Variants in SGIP1 observed in about 807,000 individuals in gnomAD.
SGIP1 encodes the protein SH3GL interacting endocytic adaptor 1.
SGIP1 carries 38 observed loss-of-function variants against 107.5 expected under a neutral mutation model. That is an observed-to-expected ratio of 0.35 (90% confidence interval 0.27 to 0.46). The LOEUF (loss-of-function observed/expected upper bound fraction) is 0.46, where lower values mean the gene tolerates loss of function less well. Among genes scored for constraint, SGIP1 ranks in the 20% least tolerant of loss-of-function variants. The pLI is 1.00. For synonymous variants in SGIP1, 365 were observed against 366.1 expected, an observed-to-expected ratio of 1.00 and a Z score of 0.03; for missense variants, 929 against 1,019.5, an observed-to-expected ratio of 0.91 and a Z score of 1.21.
At chr1:66,640,190 C>G (rs2149468130) in intron 5 of SGIP1, among the ~76,000 whole-genome samples, 1 of 152,282 alleles carries the variant, frequency 6.6e-6, no homozygotes, top group South Asian at 2.1e-4. Context: ...CACATATCAG[C>G]TGTGTGTGGC....
intron 23 of SGIP1, among the ~76,000 whole-genome samples, chr1:66,740,983 G>C (rs890333554): frequency 2.0e-5 from 3 of 151,968 alleles, no homozygotes; most frequent in African/African-American, 7.3e-5. Flanking sequence ...CAGATTCCAC[G>C]CTCCCTGATT....
intron 1 of SGIP1, among the ~76,000 whole-genome samples, chr1:66,597,382 A>T (rs1347029551): frequency 6.6e-6 from 1 of 152,272 alleles, no homozygotes; most frequent in African/African-American, 2.4e-5. Flanking sequence ...AAAACTTGAC[A>T]GAATGTTTAT....
intron 1 of SGIP1, among the ~76,000 whole-genome samples, chr1:66,610,072 T>A (rs1364092179): frequency 6.6e-6 from 1 of 152,180 alleles, no homozygotes; most frequent in East Asian, 1.9e-4. Flanking sequence ...GTTATTAGCG[T>A]CACTGGAAAT....
At chr1:66,709,084 A>G (rs1305084237) in intron 18 of SGIP1, among the ~76,000 whole-genome samples, 1 of 152,066 alleles carries the variant, frequency 6.6e-6, no homozygotes, top group Non-Finnish European at 1.5e-5. Context: ...CAGAACGTGC[A>G]TGTTTGTTAC....
In SGIP1 at chr1:66,542,309, G is replaced by T. The variant is rs2055168542; in HGVS notation, c.10+7941G>T. On this transcript the variant is annotated intron_variant, in intron 1 of 24. Transcript: ENST00000371037. ...ATAACGAATAATAAAATTTAGAACA[G>T]TTATAACAATCTGCTGTAATAAAAG... is the stretch of plus-strand genomic sequence containing the variant. 5.3e-5 allele frequency among the ~76,000 whole-genome samples: 8 copies of T among 152,102 alleles called. 1 individual carries two copies. The highest frequency in any genetic ancestry group is 5.2e-4 in the Admixed American group (8 of 15,270).
At chr1:66,671,482 C>T (rs1213194692) in intron 10 of SGIP1, among the ~76,000 whole-genome samples, 1 of 152,150 alleles carries the variant, frequency 6.6e-6, no homozygotes. Context: ...CTGCATACAA[C>T]ACTTCCTAGG....
intron 1 of SGIP1, among the ~76,000 whole-genome samples, chr1:66,559,583 G>A (rs2066006): frequency 0.012 from 1,784 of 152,134 alleles, 40 homozygotes; most frequent in African/African-American, 0.041. Flanking sequence ...ACATGGCTCC[G>A]CAATGTCTTC....
intron 1 of SGIP1, among the ~76,000 whole-genome samples, chr1:66,567,244 T>C (rs1290049525): frequency 3.3e-5 from 5 of 152,192 alleles, no homozygotes; most frequent in Non-Finnish European, 5.9e-5. Flanking sequence ...TGATTTCATT[T>C]CTCTAATGAC....
intron 7 of SGIP1, among the ~76,000 whole-genome samples, chr1:66,650,794 G>A (rs1272800495): frequency 1.3e-5 from 2 of 152,088 alleles, no homozygotes; most frequent in Non-Finnish European, 2.9e-5. Context: ...TGCTCCCATG[G>A]ATTCCTTTAT....
intron 1 of SGIP1, among the ~76,000 whole-genome samples, chr1:66,581,506 C>T (rs1472355396): frequency 6.6e-6 from 1 of 151,892 alleles, no homozygotes; most frequent in Non-Finnish European, 1.5e-5. Flanking sequence ...TATAATAACT[C>T]TTAACAAGGT....
chr1:66,551,683 C>T (rs1232121207), intron 1 of SGIP1, among the ~76,000 whole-genome samples: 1 of 152,128 alleles, frequency 6.6e-6, no homozygotes, highest in Non-Finnish European at 1.5e-5. Flanking sequence ...ATGCTGTTTA[C>T]TCTGCAGCAA....
At chr1:66,614,733 TTATC>T (rs2068790369) in intron 1 of SGIP1, among the ~76,000 whole-genome samples, 1 of 151,942 alleles carries the variant, frequency 6.6e-6, no homozygotes, top group Admixed American at 6.6e-5. Context: ...ATCTCCTACT[TTATC>T]TACCTCTCTG....
Position 66,750,001 on chromosome 1 carries a change from C to CTCTCTTTA in SGIP1, c.*6911_*6912insTTATCTCT, listed in dbSNP as rs1553200169. Among the ~76,000 whole-genome samples, 16 of 69,286 alleles carry CTCTCTTTA rather than the reference C, an allele frequency of 2.3e-4. 1 individual carries two copies. Among genetic ancestry groups the CTCTCTTTA allele is most frequent in the African/African-American group, 7.9e-4 (12 of 15,128 alleles). 45.5% of individuals were successfully genotyped at this position (69,286 alleles called of 152,430 possible). A position where few individuals can be genotyped will look rare whatever the true frequency, so the allele number is the denominator to read the frequency against. Reference sequence around the variant, plus strand: ...GGCTCCTATCTAATTCATATTCTCTCTCTCTCTCTCTCTCTTTCTCTGTGT... The same window carrying CTCTCTTTA: ...GGCTCCTATCTAATTCATATTCTCTCTCTCTTTATCTCTCTCTCTCTCTTTCTCTGTGT... On this transcript the variant is annotated 3_prime_UTR_variant, in exon 25 of 25. Transcript: ENST00000371037.
chr1:66,701,393 G>T (rs914122677), intron 18 of SGIP1, among the ~76,000 whole-genome samples: 1 of 152,132 alleles, frequency 6.6e-6, no homozygotes, highest in Non-Finnish European at 1.5e-5. Flanking sequence ...TAAGTACCAG[G>T]TTGGGGAAAC....
At chr1:66,583,766 T>C (rs568687080) in intron 1 of SGIP1, among the ~76,000 whole-genome samples, 14 of 152,310 alleles carry the variant, frequency 9.2e-5, no homozygotes, top group African/African-American at 2.6e-4. Flanking sequence ...TGCTCCTGTC[T>C]GCATCACTGA....
intron 7 of SGIP1, among the ~76,000 whole-genome samples, chr1:66,651,385 A>G (rs1440873342): frequency 6.6e-6 from 1 of 152,218 alleles, no homozygotes; most frequent in Non-Finnish European, 1.5e-5. Context: ...CATCACAGCT[A>G]GTAACTGAAG....
rs199507180 is a variant in SGIP1 at position 66,601,519 on chromosome 1, A to ATG, written c.11-24315_11-24314dup. The stretch of plus-strand genomic sequence containing the variant: ...GGGTTATTTGTTTTTGAGTATGTGC[A>ATG]TGTGTGTGTGTGTGAGAGAGAGAGA... On this transcript the variant is annotated intron_variant, in intron 1 of 24. Transcript: ENST00000371037. Among the ~76,000 whole-genome samples the ATG allele has an allele frequency of 1.6e-3, 239 of 151,738 alleles. 1 individual carries two copies. Among genetic ancestry groups the ATG allele is most frequent in the East Asian group, 0.012 (64 of 5,168 alleles).
intron 1 of SGIP1, among the ~76,000 whole-genome samples, chr1:66,608,008 G>A (rs1471111719): frequency 6.6e-6 from 1 of 152,146 alleles, no homozygotes; most frequent in Non-Finnish European, 1.5e-5. Context: ...TCAAGGCATT[G>A]TGTACCCCAG....
chr1:66,557,797 C>T (rs1230375115), intron 1 of SGIP1, among the ~76,000 whole-genome samples: 2 of 152,126 alleles, frequency 1.3e-5, no homozygotes, highest in East Asian at 1.9e-4. Context: ...TGAATTGTGC[C>T]ACACCTGAAA....
Sources: gnomAD v4.1 joint callset for allele counts (sites outside exome capture counted in the v4.1 genomes callset) on GRCh38, gnomAD v4.1.1 for gene constraint, MANE v1.5 for transcripts, NCBI Gene and HGNC (gene_info 2026-07-23, HGNC 2026-07-21) for gene names.